The following KCNIP1 variants were observed in gnomAD, a reference collection of about 807,000 sequenced individuals.
The protein encoded by KCNIP1 is A-type potassium channel modulatory protein KCNIP1.
In KCNIP1, 18 loss-of-function variants were observed where a neutral mutation model predicts 33.0. The ratio of observed to expected loss-of-function variants is 0.55; its 90% confidence interval spans 0.38 to 0.81. The LOEUF is 0.81. Among genes scored for constraint, KCNIP1 ranks in the 30% least tolerant of loss-of-function variants. The pLI is 0.00. For missense variants in KCNIP1, 238 were observed against 271.6 expected (o/e 0.88, Z 0.87); for synonymous variants, 93 against 98.3 (o/e 0.95, Z 0.32).
intron 1 of KCNIP1, among the ~76,000 whole-genome samples, chr5:170,479,288 G>A (rs1756923610): frequency 1.3e-5 from 2 of 152,196 alleles, no homozygotes; most frequent in African/African-American, 2.4e-5. Flanking sequence ...AGAGAAAACT[G>A]GGGGAGAGGT....
At chr5:170,378,774 G>A in intron 1 of KCNIP1, 1 of 1,614,236 alleles carries the variant, frequency 6.2e-7, no homozygotes, top group South Asian at 1.1e-5. Context: ...GAGGCCACCG[G>A]TCAGCAGGAA....
intron 1 of KCNIP1, among the ~76,000 whole-genome samples, chr5:170,641,440 C>A (rs527378411): frequency 6.6e-6 from 1 of 152,336 alleles, no homozygotes; most frequent in East Asian, 1.9e-4. Context: ...GCCGTCATCC[C>A]CATCTGTGTT....
At chr5:170,365,405 A>G (rs1486125418) in intron 1 of KCNIP1, among the ~76,000 whole-genome samples, 1 of 152,210 alleles carries the variant, frequency 6.6e-6, no homozygotes, top group Non-Finnish European at 1.5e-5. Flanking sequence ...TGAGGGGTTA[A>G]TTAAGATAGT....
chr5:170,487,916 G>C (rs891179625), intron 1 of KCNIP1, among the ~76,000 whole-genome samples: 2 of 152,136 alleles, frequency 1.3e-5, no homozygotes, highest in African/African-American at 4.8e-5. Flanking sequence ...GTTCATGCTG[G>C]TTCACCTTCC....
intron 5 of KCNIP1, among the ~76,000 whole-genome samples, chr5:170,729,175 T>G (rs1581554712): frequency 6.6e-6 from 1 of 152,074 alleles, no homozygotes; most frequent in South Asian, 2.1e-4. Context: ...AAAAATCATA[T>G]GTGAATATCT....
intron 1 of KCNIP1, among the ~76,000 whole-genome samples, chr5:170,544,915 T>C (rs1440685987): frequency 6.6e-5 from 10 of 152,220 alleles, no homozygotes; most frequent in Admixed American, 2.0e-4. Context: ...TTATTGTCAT[T>C]TTAAACAGCC....
chr5:170,431,955 T>G (rs1029461225), intron 1 of KCNIP1, among the ~76,000 whole-genome samples: 1 of 152,160 alleles, frequency 6.6e-6, no homozygotes, highest in African/African-American at 2.4e-5. Flanking sequence ...GGGTTGCTGG[T>G]GGGCAGATTC....
At chr5:170,583,475 A>C (rs1757873358) in intron 1 of KCNIP1, among the ~76,000 whole-genome samples, 1 of 152,172 alleles carries the variant, frequency 6.6e-6, no homozygotes, top group African/African-American at 2.4e-5. Flanking sequence ...ATTAGGCAAG[A>C]ATGTAAAAGC....
intron 1 of KCNIP1, among the ~76,000 whole-genome samples, chr5:170,507,617 G>C (rs199719038): frequency 4.6e-5 from 7 of 152,094 alleles, no homozygotes; most frequent in Non-Finnish European, 1.0e-4. Flanking sequence ...TCTGTGGCTT[G>C]TCCTGAAAAC....
chr5:170,469,300 C>G (rs932466255), intron 1 of KCNIP1, among the ~76,000 whole-genome samples: 13 of 151,978 alleles, frequency 8.6e-5, no homozygotes, highest in African/African-American at 3.1e-4. Flanking sequence ...GAGGATGAAG[C>G]AGGAGGATCA....
chr5:170,436,227 G>A (rs142631921), intron 1 of KCNIP1, among the ~76,000 whole-genome samples: 1 of 152,362 alleles, frequency 6.6e-6, no homozygotes, highest in Non-Finnish European at 1.5e-5. Flanking sequence ...GATGGGGACA[G>A]GAGAGCCATT....
chr5:170,649,450 C>A (rs1760943778), intron 1 of KCNIP1, among the ~76,000 whole-genome samples: 1 of 152,282 alleles, frequency 6.6e-6, no homozygotes, highest in East Asian at 1.9e-4. Flanking sequence ...TGAACAAAGG[C>A]TCTTGATGAA....
chr5:170,367,283 C>G (rs147923433), intron 1 of KCNIP1, among the ~76,000 whole-genome samples: 7 of 148,356 alleles, frequency 4.7e-5, no homozygotes, highest in African/African-American at 5.0e-5. Flanking sequence ...CACTGCACTC[C>G]GGCCTGGGCA....
intron 1 of KCNIP1, among the ~76,000 whole-genome samples, chr5:170,657,119 C>T (rs1761303772): frequency 6.6e-6 from 1 of 151,660 alleles, no homozygotes; most frequent in African/African-American, 2.4e-5. Context: ...CCTCAGCCTC[C>T]TGAGTAGCTG....
At chr5:170,410,366 G>T (rs1755152952) in intron 1 of KCNIP1, among the ~76,000 whole-genome samples, 1 of 152,096 alleles carries the variant, frequency 6.6e-6, no homozygotes, top group African/African-American at 2.4e-5. Context: ...ACACAGTGCA[G>T]GTGCACCTGG....
At chr5:170,517,228 G>C (rs1264104057) in intron 1 of KCNIP1, among the ~76,000 whole-genome samples, 1 of 152,168 alleles carries the variant, frequency 6.6e-6, no homozygotes, top group African/African-American at 2.4e-5. Flanking sequence ...AGGACAGAGA[G>C]AGAGCAAAGG....
chr5:170,711,835 GTGAAAACACTCCAATGGA>G (rs35234071), intron 1 of KCNIP1, among the ~76,000 whole-genome samples: 20,488 of 152,114 alleles, frequency 0.13, 1,750 homozygotes, highest in African/African-American at 0.25. Context: ...CAGGAAATGA[GTGAAAACACTCCAATGGA>G]TGCCCACCTA....
intron 1 of KCNIP1, among the ~76,000 whole-genome samples, chr5:170,574,151 A>G (rs1468717901): frequency 6.6e-6 from 1 of 152,262 alleles, no homozygotes; most frequent in African/African-American, 2.4e-5. Flanking sequence ...AGAAAGCAGT[A>G]AGTCCTCACA....
chr5:170,384,351 G>A (rs1344732133), intron 1 of KCNIP1, among the ~76,000 whole-genome samples: 2 of 152,218 alleles, frequency 1.3e-5, no homozygotes, highest in Non-Finnish European at 2.9e-5. Flanking sequence ...GGTCTGAGTG[G>A]GTTGGAGAGC....
Sources: allele counts gnomAD v4.1 joint callset (sites outside exome capture counted in the v4.1 genomes callset), GRCh38; gene constraint gnomAD v4.1.1; transcripts MANE v1.5; gene names NCBI Gene and HGNC (gene_info 2026-07-23, HGNC 2026-07-21).